Variants in PDE4D observed in about 807,000 individuals in gnomAD.
PDE4D encodes the protein 3',5'-cyclic-AMP phosphodiesterase 4D.
Under a neutral mutation model 87.4 loss-of-function variants are expected in PDE4D, and 24 were observed. That is an observed-to-expected ratio of 0.27 (90% CI 0.20 to 0.39). PDE4D has a LOEUF of 0.39. Among genes scored for constraint, PDE4D ranks in the 10% least tolerant of loss-of-function variants. The pLI is 1.00. For synonymous variants in PDE4D, 384 were observed against 383.2 expected, an observed-to-expected ratio of 1.00 and a Z score of -0.02; for missense variants, 714 against 1,041.0, an observed-to-expected ratio of 0.69 and a Z score of 4.32.
chr5:59,308,015 G>A (rs544013392), intron 1 of PDE4D, among the ~76,000 whole-genome samples: 21 of 152,240 alleles, frequency 1.4e-4, no homozygotes, highest in Admixed American at 1.4e-3. Flanking sequence ...TATACACCAT[G>A]GAAAGCTATG....
intron 1 of PDE4D, among the ~76,000 whole-genome samples, chr5:59,800,795 C>T (rs1303452418): frequency 6.6e-6 from 1 of 152,152 alleles, no homozygotes; most frequent in Non-Finnish European, 1.5e-5. Flanking sequence ...CTAAGACTCA[C>T]TTTCTAAAAA....
intron 5 of PDE4D, among the ~76,000 whole-genome samples, chr5:59,166,782 A>C (rs1377136394): frequency 6.6e-6 from 1 of 152,184 alleles, no homozygotes; most frequent in Non-Finnish European, 1.5e-5. Flanking sequence ...TTTGGTCATA[A>C]GTGAAGTGTT....
intron 1 of PDE4D, among the ~76,000 whole-genome samples, chr5:60,316,017 T>C (rs1755548527): frequency 6.6e-6 from 1 of 152,228 alleles, no homozygotes; most frequent in African/African-American, 2.4e-5. Context: ...TTTCCAATTC[T>C]TTGAAGAAAG....
At chr5:59,633,802 C>T (rs993884117) in intron 1 of PDE4D, among the ~76,000 whole-genome samples, 8 of 152,030 alleles carry the variant, frequency 5.3e-5, no homozygotes, top group Non-Finnish European at 8.8e-5. Flanking sequence ...TTGTAAAGAC[C>T]GCTGACACTA....
intron 11 of PDE4D, among the ~76,000 whole-genome samples, chr5:58,980,030 A>G (rs1022656686): frequency 1.3e-5 from 2 of 152,208 alleles, no homozygotes; most frequent in African/African-American, 4.8e-5. Context: ...ATTGTGTTAA[A>G]TGGTTTATGT....
chr5:59,208,377 A>AT (rs1305890256), intron 2 of PDE4D, among the ~76,000 whole-genome samples: 4 of 152,168 alleles, frequency 2.6e-5, no homozygotes, highest in African/African-American at 9.7e-5. Context: ...TATAACTAAC[A>AT]TTTATCCCTC....
chr5:59,287,690 C>T (rs1265575784), intron 1 of PDE4D, among the ~76,000 whole-genome samples: 1 of 151,414 alleles, frequency 6.6e-6, no homozygotes, highest in Non-Finnish European at 1.5e-5. Context: ...GTTACCCCTC[C>T]CCCAGATCCA....
intron 1 of PDE4D, chr5:59,430,368 T>C (rs1265929624): frequency 8.1e-7 from 1 of 1,231,238 alleles, no homozygotes; most frequent in African/African-American, 1.6e-5. Context: ...CGCTTCGGAA[T>C]CTAGCCACCT....
At chr5:59,734,506 G>A (rs200978496) in intron 1 of PDE4D, among the ~76,000 whole-genome samples, 2 of 152,240 alleles carry the variant, frequency 1.3e-5, no homozygotes, top group East Asian at 1.9e-4. Context: ...TTTGTCTACT[G>A]TGGTCTCCTT....
At chr5:60,302,408 T>C (rs1195854027) in intron 1 of PDE4D, among the ~76,000 whole-genome samples, 1 of 152,192 alleles carries the variant, frequency 6.6e-6, no homozygotes, top group African/African-American at 2.4e-5. Context: ...AAGGTGTATG[T>C]GTCCAGGAAT....
At chr5:60,333,849 A>G (rs1757514858) in intron 1 of PDE4D, among the ~76,000 whole-genome samples, 1 of 152,206 alleles carries the variant, frequency 6.6e-6, no homozygotes, top group Non-Finnish European at 1.5e-5. Context: ...AGGTTGAAAG[A>G]GAAGAGGGAA....
intron 2 of PDE4D, among the ~76,000 whole-genome samples, chr5:59,995,011 C>A (rs1212879477): frequency 6.6e-6 from 1 of 152,110 alleles, no homozygotes; most frequent in Non-Finnish European, 1.5e-5. Context: ...GACAGATAAT[C>A]ACCAGTATAT....
At chr5:59,243,951 G>GA (rs1252622768) in intron 1 of PDE4D, among the ~76,000 whole-genome samples, 5 of 151,730 alleles carry the variant, frequency 3.3e-5, no homozygotes, top group Admixed American at 6.6e-5. Flanking sequence ...CTACAATAAA[G>GA]AAAAAAGAGG....
Position 59,710,122 on chromosome 5 carries a change from C to T in PDE4D, c.455+183046G>A, listed in dbSNP as rs149069695. Among the ~76,000 whole-genome samples, 129 of 152,208 alleles carry T rather than the reference C, an allele frequency of 8.5e-4. 1 individual carries two copies. Among genetic ancestry groups the T allele is most frequent in the Middle Eastern group, 6.8e-3 (2 of 292 alleles). The stretch of plus-strand genomic sequence containing the variant: ...GGATATAAACAATTATACAACGAAC[C>T]AGAACTATGCTGGCTCAGTGCCCAG... On this transcript the variant is annotated intron_variant, in intron 1 of 14. Transcript: ENST00000340635.
intron 1 of PDE4D, among the ~76,000 whole-genome samples, chr5:60,198,427 G>T (rs934837489): frequency 5.3e-5 from 8 of 151,536 alleles, no homozygotes; most frequent in African/African-American, 1.9e-4. Flanking sequence ...ATATTCCAAA[G>T]AATTTGGAGT....
chr5:59,307,767 T>C (rs938267528), intron 1 of PDE4D, among the ~76,000 whole-genome samples: 1 of 152,100 alleles, frequency 6.6e-6, no homozygotes, highest in African/African-American at 2.4e-5. Context: ...TTGGTGGGAC[T>C]GTCAACTAGT....
chr5:59,875,236 C>A (rs1222535960), intron 1 of PDE4D, among the ~76,000 whole-genome samples: 1 of 151,718 alleles, frequency 6.6e-6, no homozygotes, highest in Non-Finnish European at 1.5e-5. Context: ...CCGAGGCGGG[C>A]GGATCACGAG....
intron 1 of PDE4D, among the ~76,000 whole-genome samples, chr5:59,890,794 G>C (rs1467863058): frequency 6.6e-6 from 1 of 152,174 alleles, no homozygotes; most frequent in Non-Finnish European, 1.5e-5. Context: ...ATCAAATAGA[G>C]ATAATACCAT....
intron 1 of PDE4D, among the ~76,000 whole-genome samples, chr5:60,300,391 C>A (rs1169803165): frequency 6.6e-6 from 1 of 151,976 alleles, no homozygotes; most frequent in Non-Finnish European, 1.5e-5. Context: ...TGTGCAGGGG[C>A]TCTTTAGTTT....
Sources: allele counts gnomAD v4.1 joint callset (sites outside exome capture counted in the v4.1 genomes callset), GRCh38; gene constraint gnomAD v4.1.1; transcripts MANE v1.5; gene names NCBI Gene and HGNC (gene_info 2026-07-23, HGNC 2026-07-21).